SLC44A3: variants seen among roughly 807,000 people sequenced by gnomAD.
The protein encoded by SLC44A3 is choline transporter-like protein 3.
SLC44A3 carries 74 observed loss-of-function variants against 75.4 expected under a neutral mutation model. That is an observed-to-expected ratio of 0.98 (90% CI 0.81 to 1.19). The LOEUF is 1.19. Among genes scored for constraint, SLC44A3 ranks in the 50% most tolerant of loss-of-function variants. SLC44A3 has a pLI of 0.00. For missense variants in SLC44A3, 700 were observed against 778.6 expected (o/e 0.90, Z 1.20); for synonymous variants, 310 against 296.9 (o/e 1.04, Z -0.45).
In SLC44A3 at chr1:94,886,597, GCC is replaced by G. The variant is rs201768322; in HGVS notation, c.1483-4531_1483-4530del. ...AGCCTTCCCTGATCCCTCCTGCTGG[GCC>G]CTCTCTTCCCCTCTCCCTCCAGCTT... On this transcript the variant is annotated intron_variant, in intron 12 of 14. Coordinates refer to ENST00000271227, the MANE Select transcript of SLC44A3 (RefSeq NM_001114106.3). Among the ~76,000 whole-genome samples, 790 of 152,138 alleles carry G rather than the reference GCC, an allele frequency of 5.2e-3. 6 individuals are homozygous for G. Among genetic ancestry groups the G allele is most frequent in the African/African-American group, 0.018 (755 of 41,506 alleles).
chr1:94,825,799 A>T (rs1470945489), intron 3 of SLC44A3: 1 of 456,066 alleles, frequency 2.2e-6, no homozygotes, highest in East Asian at 7.0e-5. Context: ...CTGGGCATGG[A>T]CTAATTACGG....
chr1:94,876,526 C>A lies in SLC44A3; in HGVS notation c.1482+9109C>A, dbSNP rs367745740. Among the ~76,000 whole-genome samples the A allele has an allele frequency of 1.2e-4, 18 of 152,238 alleles. 1 individual carries two copies. The highest frequency in any genetic ancestry group is 8.5e-4 in the Admixed American group (13 of 15,286). On this transcript the variant is annotated intron_variant, in intron 12 of 14. Coordinates refer to ENST00000271227, the MANE Select transcript of SLC44A3 (RefSeq NM_001114106.3). ...GTTGAGAGAAGGAAGTGATGACTGG[C>A]CAGAGACTAGAGAATGCATTCATAA...
chr1:94,883,197 C>T (rs1300494036), intron 12 of SLC44A3, among the ~76,000 whole-genome samples: 4 of 151,754 alleles, frequency 2.6e-5, no homozygotes, highest in African/African-American at 7.3e-5. Context: ...GCTGGATACA[C>T]CTCATTAAGA....
chr1:94,829,014 G>T (rs1368349439), intron 5 of SLC44A3, among the ~76,000 whole-genome samples: 1 of 152,140 alleles, frequency 6.6e-6, no homozygotes. Context: ...ACTGAGCCAG[G>T]CGGATCACGA....
At position 94,828,576 on chromosome 1, in the gene SLC44A3, G is replaced by A; in HGVS notation, c.499G>A (p.Val167Ile). 4 of 1,613,802 alleles carry A rather than the reference G, an allele frequency of 2.5e-6. No individual in the cohort carries two copies. The highest frequency in any genetic ancestry group is 3.4e-6 in the Non-Finnish European group (4 of 1,179,838). Residue 167 changes from valine to isoleucine, a missense_variant, in exon 5 of 15, where the codon GTT becomes ATT. Val to Ile is a conservative substitution (Grantham distance 29). Coordinates refer to ENST00000271227, the MANE Select transcript of SLC44A3 (RefSeq NM_001114106.3). ...AGACTCACTGTGTCCCAGGCTACCA[G>A]TTCCTCCAAGGTAAAAGCTTCCATA... ...KADSLCPRLP[V>I]PPSKSFPLFN...
At chr1:94,834,008 C>T (rs1295562690) in intron 5 of SLC44A3, among the ~76,000 whole-genome samples, 2 of 152,210 alleles carry the variant, frequency 1.3e-5, no homozygotes, top group Non-Finnish European at 2.9e-5. Flanking sequence ...AAACACTGTA[C>T]TCCAGATAGT....
chr1:94,830,807 A>G (rs1389158172), intron 5 of SLC44A3, among the ~76,000 whole-genome samples: 9 of 152,218 alleles, frequency 5.9e-5, no homozygotes, highest in Admixed American at 2.0e-4. Context: ...TCTTACTATA[A>G]ATGGGATGGC....
At chr1:94,833,819 C>T (rs12405945) in intron 5 of SLC44A3, among the ~76,000 whole-genome samples, 79,474 of 151,940 alleles carry the variant, frequency 0.52, 20,992 homozygotes, top group East Asian at 0.69. Context: ...CACTTGTCAT[C>T]ACCTGTGCAG....
At chr1:94,882,824 G>T (rs72962421) in intron 12 of SLC44A3, among the ~76,000 whole-genome samples, 38 of 150,570 alleles carry the variant, frequency 2.5e-4, no homozygotes, top group African/African-American at 9.1e-4. Context: ...CATCTTTGTC[G>T]CTTCCTCTAC....
intron 5 of SLC44A3, among the ~76,000 whole-genome samples, chr1:94,829,759 A>C (rs776145182): frequency 5.9e-5 from 9 of 152,322 alleles, no homozygotes; most frequent in Non-Finnish European, 1.2e-4. Context: ...ATCCCTGAGA[A>C]ATAATGATTA....
intron 12 of SLC44A3, among the ~76,000 whole-genome samples, chr1:94,870,827 C>G: frequency 6.6e-6 from 1 of 152,140 alleles, no homozygotes. Context: ...GGACTACAGG[C>G]ACATGCCACC....
intron 12 of SLC44A3, among the ~76,000 whole-genome samples, chr1:94,876,662 A>G (rs1168116611): frequency 6.6e-6 from 1 of 152,196 alleles, no homozygotes; most frequent in East Asian, 1.9e-4. Flanking sequence ...GACTCCCATG[A>G]CACCCCAGGC....
intron 14 of SLC44A3, among the ~76,000 whole-genome samples, chr1:94,893,515 G>A (rs147261796): frequency 0.024 from 3,665 of 151,988 alleles, 64 homozygotes; most frequent in African/African-American, 0.043. Flanking sequence ...CAAGTAGCTG[G>A]GATTACAGGC....
At chr1:94,866,747 C>A (rs777865660) in intron 11 of SLC44A3, among the ~76,000 whole-genome samples, 3 of 152,114 alleles carry the variant, frequency 2.0e-5, no homozygotes, top group Non-Finnish European at 2.9e-5. Context: ...GAGCACCCTT[C>A]CCCCAAGAGG....
intron 9 of SLC44A3, among the ~76,000 whole-genome samples, chr1:94,846,045 G>A (rs1289323542): frequency 6.6e-6 from 1 of 151,790 alleles, no homozygotes; most frequent in Non-Finnish European, 1.5e-5. Flanking sequence ...TGCTGGGGAG[G>A]CTGAGGCAGG....
intron 10 of SLC44A3, among the ~76,000 whole-genome samples, chr1:94,861,134 A>C (rs1018740368): frequency 2.0e-5 from 3 of 152,272 alleles, no homozygotes; most frequent in African/African-American, 7.2e-5. Context: ...TATGCTACTT[A>C]GATCAGTTGT....
chr1:94,879,391 G>A (rs1447011611), intron 12 of SLC44A3, among the ~76,000 whole-genome samples: 1 of 151,880 alleles, frequency 6.6e-6, no homozygotes, highest in African/African-American at 2.4e-5. Flanking sequence ...AATTAGCCAG[G>A]TGTGGTGGTG....
intron 10 of SLC44A3, among the ~76,000 whole-genome samples, chr1:94,858,536 C>T (rs974322452): frequency 5.9e-5 from 9 of 152,172 alleles, no homozygotes; most frequent in East Asian, 1.9e-4. Flanking sequence ...GAGAAGTTTA[C>T]TCTTCATAGG....
chr1:94,894,823 C>T lies in SLC44A3; in HGVS notation c.1863C>T (p.Phe621=), dbSNP rs369806675. The part of the protein sequence containing the change: ...PYFMDQEFLS[F]VKRSNKLNNA... ...CTTGTTCTTTTGTTTTTCAGAGTTT[C>T]GTAAAAAGGAGCAACAAATTAAACA... The change falls in exon 15 of 15, where the codon TTC becomes TTT. Residue 621 remains phenylalanine (F), a synonymous_variant. Transcript: ENST00000271227. The T allele has an allele frequency of 2.5e-5, 40 of 1,609,120 alleles. No individual in the cohort carries two copies. Among genetic ancestry groups the T allele is most frequent in the East Asian group, 2.3e-4 (10 of 44,364 alleles).
Sources: gnomAD v4.1 joint callset for allele counts (sites outside exome capture counted in the v4.1 genomes callset) on GRCh38, gnomAD v4.1.1 for gene constraint, MANE v1.5 for transcripts, NCBI Gene and HGNC (gene_info 2026-07-23, HGNC 2026-07-21) for gene names.